The following CCDC73 variants were observed in gnomAD, a reference collection of about 807,000 sequenced individuals.
The protein encoded by CCDC73 is coiled-coil domain containing 73.
A neutral mutation model predicts 116.5 loss-of-function variants in CCDC73; 95 were observed. The ratio of observed to expected loss-of-function variants is 0.82; its 90% CI spans 0.69 to 0.97. The LOEUF (loss-of-function observed/expected upper bound fraction) is 0.97, where lower values mean the gene tolerates loss of function less well. CCDC73 is among the 50% of genes least tolerant of loss of function. CCDC73 has a pLI of 0.00. For missense variants in CCDC73, 1,066 were observed against 1,206.8 expected, an observed-to-expected ratio of 0.88 and a Z score of 1.73; for synonymous variants, 398 against 401.3, an observed-to-expected ratio of 0.99 and a Z score of 0.10.
At position 32,734,171 on chromosome 11, in the gene CCDC73, G is replaced by A. The variant is rs1003766831; in HGVS notation, c.136-16024C>T. On this transcript the variant is annotated intron_variant, in intron 2 of 17. Transcript: ENST00000335185. The stretch of plus-strand genomic sequence containing the variant: ...CTACGCAAATAAACTAGAAAATCTA[G>A]AAGAAATGGATAAATTCCTGGACAC... 2.6e-5 allele frequency among the ~76,000 whole-genome samples: 4 copies of A among 152,128 alleles called. No homozygotes were observed. In the South Asian group the frequency reaches 6.2e-4, roughly 24 times the overall value.
intron 1 of CCDC73, 115 bp from the exon 2 acceptor site, chr11:32,760,373 G>T: frequency 1.7e-6 from 1 of 602,974 alleles, no homozygotes; most frequent in Non-Finnish European, 2.8e-6. Context: ...TTTCAGCACT[G>T]AATAACAGTT....
At chr11:32,829,877 C>A in the CCDC73 span, 4 of 985,524 alleles carry the variant, frequency 4.1e-6, no homozygotes, top group Non-Finnish European at 4.8e-6. Flanking sequence ...GCCCGGCCCC[C>A]GGGAGGTGGG....
chr11:32,824,612 C>T, the CCDC73 span, among the ~76,000 whole-genome samples: 1 of 152,112 alleles, frequency 6.6e-6, no homozygotes, highest in African/African-American at 2.4e-5. Context: ...TACATGCCAG[C>T]CAGGTGAGGT....
At chr11:32,805,633 A>G in the CCDC73 span, among the ~76,000 whole-genome samples, 1 of 152,226 alleles carries the variant, frequency 6.6e-6, no homozygotes, top group African/African-American at 2.4e-5. Context: ...GATCAGATTT[A>G]TCTACCATAC....
chr11:32,774,309 T>C (rs1850514141), intron 1 of CCDC73, among the ~76,000 whole-genome samples: 1 of 152,204 alleles, frequency 6.6e-6, no homozygotes, highest in African/African-American at 2.4e-5. Flanking sequence ...AGCAAACTTC[T>C]GAACTTTTAA....
At chr11:32,641,806 T>A (rs1047783093) in intron 13 of CCDC73, among the ~76,000 whole-genome samples, 166 bp downstream of exon 13, 1 of 151,752 alleles carries the variant, frequency 6.6e-6, no homozygotes, top group Admixed American at 6.6e-5. Context: ...TCATTAAATT[T>A]AGCTTTTAAA....
the CCDC73 span, among the ~76,000 whole-genome samples, chr11:32,823,528 T>A: frequency 6.6e-6 from 1 of 151,114 alleles, no homozygotes; most frequent in Non-Finnish European, 1.5e-5. Context: ...ATAAAAAAAA[T>A]TTGAGGCAGT....
At chr11:32,812,173 T>A in the CCDC73 span, among the ~76,000 whole-genome samples, 1 of 152,208 alleles carries the variant, frequency 6.6e-6, no homozygotes, top group East Asian at 1.9e-4. Flanking sequence ...TGTTAATACT[T>A]GGAAGTGTCA....
Position 32,718,095 on chromosome 11 carries a change from T to G in CCDC73, c.188A>C (p.Gln63Pro). 6.2e-7 allele frequency: 1 copy of G among 1,607,570 alleles called. No individual in the cohort carries two copies. Among genetic ancestry groups the G allele is most frequent in the Non-Finnish European group, 8.5e-7 (1 of 1,177,268 alleles). ...ACTCACCTTTTGCCATTTAAGTTCC[T>G]GTGTCTCCACAATAATTTTACCAAT... The part of the protein sequence containing the change: ...EQIGKIIVET[Q>P]ELKWQKETLQ... The change falls in exon 3 of 18, where the codon CAG (glutamine) becomes CCG (proline). Residue 63 changes from glutamine to proline, a missense_variant. Gln to Pro is a moderately conservative substitution (Grantham distance 76). Coordinates refer to ENST00000335185, the MANE Select transcript of CCDC73 (RefSeq NM_001008391.4).
At chr11:32,622,816 A>G in intron 14 of CCDC73, among the ~76,000 whole-genome samples, 1 of 151,962 alleles carries the variant, frequency 6.6e-6, no homozygotes, top group East Asian at 1.9e-4. Context: ...TATAATAGTT[A>G]TTATTCTTAC....
At chr11:32,785,269 T>C (rs1404953322) in intron 1 of CCDC73, among the ~76,000 whole-genome samples, 4 of 152,234 alleles carry the variant, frequency 2.6e-5, no homozygotes, top group Non-Finnish European at 5.9e-5. Context: ...TTTATGTAAA[T>C]GTAAATACAT....
intron 3 of CCDC73, among the ~76,000 whole-genome samples, chr11:32,715,020 C>A (rs150548948): frequency 6.6e-6 from 1 of 152,066 alleles, no homozygotes; most frequent in Admixed American, 6.6e-5. Flanking sequence ...ATATTTACTA[C>A]GTGGCTCTTT....
At chr11:32,687,243 G>A (rs1221821170) in intron 6 of CCDC73, among the ~76,000 whole-genome samples, 8 of 152,168 alleles carry the variant, frequency 5.3e-5, no homozygotes, top group African/African-American at 1.9e-4. Context: ...AGAGCATTCC[G>A]GAACAGAATA....
chr11:32,745,506 A>G (rs1850228153), intron 2 of CCDC73, among the ~76,000 whole-genome samples: 1 of 152,164 alleles, frequency 6.6e-6, no homozygotes, highest in Admixed American at 6.6e-5. Context: ...GGGGTGTTAA[A>G]GTCTCCCACT....
intron 14 of CCDC73, among the ~76,000 whole-genome samples, chr11:32,624,029 T>A (rs930363559): frequency 6.6e-6 from 1 of 151,828 alleles, no homozygotes; most frequent in Non-Finnish European, 1.5e-5. Context: ...AATCTGACAA[T>A]ATGTGTCAAA....
rs772583868 is a variant in CCDC73, at chr11:32,614,557, T to C, written c.1761A>G (p.Thr587=). The C allele has an allele frequency of 1.1e-5, 18 of 1,612,734 alleles. No homozygotes were observed. The highest frequency in any genetic ancestry group is 9.9e-5 in the South Asian group (9 of 91,046). ...NSILNETAHN[T]YHNNNKDVSE... ...AAACATCTTTATTATTATTGTGATA[T>C]GTATTGTGTGCTGTCTCATTTAAAA... The change falls in exon 16 of 18, where the codon ACA becomes ACG. Residue 587 remains threonine, a synonymous_variant. Transcript: ENST00000335185.
At chr11:32,661,440 TCCCTC>T (rs1855924974) in intron 9 of CCDC73, among the ~76,000 whole-genome samples, 1 of 136,314 alleles carries the variant, frequency 7.3e-6, no homozygotes, top group African/African-American at 2.8e-5. Flanking sequence ...CCTAATGCTA[TCCCTC>T]CCCCCTCCCC....
chr11:32,732,173 T>G (rs551106970), intron 2 of CCDC73, among the ~76,000 whole-genome samples: 6 of 152,054 alleles, frequency 3.9e-5, no homozygotes, highest in Non-Finnish European at 7.4e-5. Flanking sequence ...TATCAGTGAT[T>G]GAAGATCAAA....
At chr11:32,639,083 G>C (rs1855707831) in intron 13 of CCDC73, among the ~76,000 whole-genome samples, 1 of 151,510 alleles carries the variant, frequency 6.6e-6, no homozygotes, top group Admixed American at 6.6e-5. Context: ...GGGAGGTGGA[G>C]GTTGCAGTGA....
Sources: gnomAD v4.1 joint callset for allele counts (sites outside exome capture counted in the v4.1 genomes callset) on GRCh38, gnomAD v4.1.1 for gene constraint, MANE v1.5 for transcripts, NCBI Gene and HGNC (gene_info 2026-07-23, HGNC 2026-07-21) for gene names.